KMT2E: variants seen among roughly 807,000 people sequenced by gnomAD.
The protein encoded by KMT2E is histone reader KMT2E.
KMT2E carries 30 observed loss-of-function variants against 184.6 expected under a neutral mutation model. The observed-to-expected ratio is 0.16, with a 90% confidence interval of 0.12 to 0.22. KMT2E has a LOEUF of 0.22. Ranked by LOEUF, KMT2E falls within the 10% of genes least tolerant of loss-of-function variation. KMT2E has a pLI of 1.00. For missense variants in KMT2E, 2,023 were observed against 2,237.4 expected (o/e 0.90, Z 1.93); for synonymous variants, 815 against 776.5 (o/e 1.05, Z -0.82).
At chr7:105,055,379 G>A (rs1796537590) in intron 3 of KMT2E, among the ~76,000 whole-genome samples, 1 of 151,938 alleles carries the variant, frequency 6.6e-6, no homozygotes, top group South Asian at 2.1e-4. Context: ...CAGGATAAGA[G>A]ATCATATTCA....
chr7:105,058,015 A>G (rs1008302358), intron 3 of KMT2E, among the ~76,000 whole-genome samples: 2 of 152,160 alleles, frequency 1.3e-5, no homozygotes, highest in Non-Finnish European at 2.9e-5. Context: ...CTTCATCTAT[A>G]ACAACCCCCT....
At chr7:105,034,555 A>G (rs1450413534) in intron 1 of KMT2E, among the ~76,000 whole-genome samples, 4 of 151,988 alleles carry the variant, frequency 2.6e-5, no homozygotes, top group Non-Finnish European at 4.4e-5. Context: ...TGACATTGAT[A>G]CAATCTTCTC....
chr7:105,030,625 A>G (rs1795369095), intron 1 of KMT2E, among the ~76,000 whole-genome samples: 1 of 152,216 alleles, frequency 6.6e-6, no homozygotes. Flanking sequence ...CAGTACTAAA[A>G]TAGAGCACTG....
In KMT2E at chr7:105,107,374, T is replaced by C; in HGVS notation, c.2917T>C (p.Ser973Pro). 1 of 1,587,846 alleles carries C rather than the reference T, an allele frequency of 6.3e-7. No individual in the cohort carries two copies. The highest frequency in any genetic ancestry group is 8.6e-7 in the Non-Finnish European group (1 of 1,169,112). Residue 973 changes from serine (S) to proline (P), a missense_variant, in exon 22 of 27, where the codon TCT becomes CCT. By Grantham distance (74) the Ser-to-Pro change is moderately conservative. Coordinates refer to ENST00000311117, the MANE Select transcript of KMT2E (RefSeq NM_182931.3). The stretch of plus-strand genomic sequence containing the variant: ...AATTTGTAAACAGGGATATGACAGA[T>C]CTTCAACCATGTTAACATTGGGGCC... ...RTYSQEGYDR[S>P]STMLTLGPFR... is the part of the protein sequence containing the mutation.
chr7:105,019,465 C>T (rs961084697), intron 1 of KMT2E, among the ~76,000 whole-genome samples: 1 of 152,076 alleles, frequency 6.6e-6, no homozygotes, highest in South Asian at 2.1e-4. Flanking sequence ...TGGACATTTT[C>T]AATGCAACAG....
intron 5 of KMT2E, among the ~76,000 whole-genome samples, chr7:105,066,295 C>T (rs1797025476): frequency 6.6e-6 from 1 of 152,066 alleles, no homozygotes; most frequent in African/African-American, 2.4e-5. Context: ...ATGTTGAGCG[C>T]CTTGTGGCCA....
At chr7:105,093,395 A>G (rs560334638) in intron 15 of KMT2E, among the ~76,000 whole-genome samples, 2 of 151,932 alleles carry the variant, frequency 1.3e-5, no homozygotes, top group South Asian at 2.1e-4. Flanking sequence ...AGAAAATTGG[A>G]TATTTGCTGG....
intron 12 of KMT2E, among the ~76,000 whole-genome samples, chr7:105,081,420 ATTT>A (rs912796432): frequency 5.8e-5 from 8 of 138,970 alleles, no homozygotes; most frequent in African/African-American, 2.2e-4. Context: ...GAAATATAGT[ATTT>A]TTATTATTAT....
chr7:105,060,307 TAAC>T (rs1037339363), intron 3 of KMT2E, among the ~76,000 whole-genome samples: 2 of 152,160 alleles, frequency 1.3e-5, no homozygotes, highest in Non-Finnish European at 2.9e-5. Context: ...CATGCACACA[TAAC>T]AACGTTTCAG....
rs1797561660 is a variant in KMT2E at position 105,077,107 on chromosome 7, C to T, written c.913C>T (p.Leu305=). ...TCAGAGGGAGGCACAAAGAATAGCT[C>T]TGAGATTAGGCAATGGAAATGACAA... ...GVQREAQRIA[L]RLGNGNDKKE... Residue 305 remains leucine (L), a synonymous_variant, in exon 10 of 27, where the codon CTG becomes TTG. Transcript: ENST00000311117. 1.2e-6 allele frequency: 2 copies of T among 1,613,990 alleles called. No homozygotes were observed. The highest frequency in any genetic ancestry group is 1.7e-6 in the Non-Finnish European group (2 of 1,179,986).
chr7:105,064,164 G>GTTTTTTTTTTTTTTTTTTTTTTTTTTTTT (rs66946883), intron 5 of KMT2E: 2 of 74,152 alleles, frequency 2.7e-5, no homozygotes, highest in Non-Finnish European at 4.8e-5. Context: ...TTTTTTCTTG[G>GTTTTTTTTTTTTTTTTTTTTTTTTTTTTT]TTTTTTTTTT....
At chr7:105,073,736 C>T (rs1166523183) in intron 7 of KMT2E, 59 bp downstream of exon 7, 2 of 998,798 alleles carry the variant, frequency 2.0e-6, no homozygotes, top group Non-Finnish European at 3.1e-6. Flanking sequence ...ATAAACGGTT[C>T]TCTCAACTTT....
In KMT2E at chr7:105,071,877, CAT is replaced by C. The variant is rs550101640; in HGVS notation, c.498-1740_498-1739del. Among the ~76,000 whole-genome samples the C allele has an allele frequency of 1.1e-4, 16 of 151,912 alleles. No homozygotes were observed. The South Asian group carries it at 1.7e-3, about 16-fold the overall frequency. ...ATTAGGTGAGAAATGGTAATCTCAG[CAT>C]AGTTATGGTGTGCATTTCTCTTACT... On this transcript the variant is annotated intron_variant, in intron 6 of 26. Transcript: ENST00000311117.
chr7:105,043,222 C>T (rs1795955204), intron 3 of KMT2E, among the ~76,000 whole-genome samples: 1 of 151,288 alleles, frequency 6.6e-6, no homozygotes, highest in South Asian at 2.1e-4. Flanking sequence ...TTCTAACTTA[C>T]TTAAATTTCT....
At chr7:105,094,842 G>A (rs1413126614) in intron 15 of KMT2E, among the ~76,000 whole-genome samples, 1 of 152,148 alleles carries the variant, frequency 6.6e-6, no homozygotes, top group Non-Finnish European at 1.5e-5. Flanking sequence ...AGTTACATAT[G>A]TATAGCAAAA....
chr7:105,084,746 G>A (rs1260391200), intron 13 of KMT2E, among the ~76,000 whole-genome samples: 1 of 152,148 alleles, frequency 6.6e-6, no homozygotes, highest in Non-Finnish European at 1.5e-5. Context: ...TCCTGGGCAT[G>A]TGTCACATGG....
intron 3 of KMT2E, among the ~76,000 whole-genome samples, chr7:105,044,460 C>T (rs558991488): frequency 1.3e-5 from 2 of 152,054 alleles, no homozygotes; most frequent in Non-Finnish European, 2.9e-5. Context: ...CAGATATGGG[C>T]ACTGAGACCC....
intron 25 of KMT2E, 51 bp downstream of exon 25, chr7:105,110,653 G>A (rs528728955): frequency 6.2e-7 from 1 of 1,610,676 alleles, no homozygotes; most frequent in South Asian, 1.1e-5. Flanking sequence ...TTTAAAATCA[G>A]ACAAGAGAGC....
intron 5 of KMT2E, among the ~76,000 whole-genome samples, chr7:105,065,496 G>A (rs1584749608): frequency 6.6e-6 from 1 of 152,214 alleles, no homozygotes; most frequent in African/African-American, 2.4e-5. Context: ...TTTCCCTGGG[G>A]TATATGTTCC....
Sources: gnomAD v4.1 joint callset for allele counts (sites outside exome capture counted in the v4.1 genomes callset) on GRCh38, gnomAD v4.1.1 for gene constraint, MANE v1.5 for transcripts, NCBI Gene and HGNC (gene_info 2026-07-23, HGNC 2026-07-21) for gene names.